The following GPC6 variants were observed in gnomAD, a reference collection of about 807,000 sequenced individuals.
GPC6 encodes glypican 6.
In GPC6, 14 loss-of-function variants were observed where a neutral mutation model predicts 55.2. The ratio of observed to expected loss-of-function variants is 0.25; its 90% CI spans 0.17 to 0.40. The LOEUF (loss-of-function observed/expected upper bound fraction) is 0.40. GPC6 is among the 10% of genes least tolerant of loss of function. The pLI is 1.00. For missense variants in GPC6, 641 were observed against 708.5 expected (o/e 0.90, Z 1.08); for synonymous variants, 278 against 259.6 (o/e 1.07, Z -0.68).
chr13:94,294,341 C>G (rs1161736870), intron 5 of GPC6, among the ~76,000 whole-genome samples: 2 of 151,338 alleles, frequency 1.3e-5, no homozygotes, highest in Admixed American at 1.3e-4. Context: ...TTCTTACTAC[C>G]GACGAGGGTA....
At chr13:93,602,687 G>C (rs990413089) in intron 2 of GPC6, among the ~76,000 whole-genome samples, 62 of 152,088 alleles carry the variant, frequency 4.1e-4, no homozygotes, top group Non-Finnish European at 8.8e-5. Flanking sequence ...AAATATGGAT[G>C]CAAGACCCAA....
intron 1 of GPC6, among the ~76,000 whole-genome samples, chr13:93,520,877 T>C (rs1235533547): frequency 1.3e-5 from 2 of 151,814 alleles, no homozygotes; most frequent in East Asian, 3.9e-4. Flanking sequence ...TGACATGATA[T>C]TGGAGTTCAG....
intron 3 of GPC6, among the ~76,000 whole-genome samples, chr13:93,939,904 C>G (rs988138241): frequency 6.6e-6 from 1 of 151,990 alleles, no homozygotes; most frequent in African/African-American, 2.4e-5. Flanking sequence ...AACCAAGGCA[C>G]AGAGGCAAAA....
chr13:93,391,055 AC>A (rs1218006784), intron 1 of GPC6, among the ~76,000 whole-genome samples: 1 of 152,080 alleles, frequency 6.6e-6, no homozygotes, highest in Non-Finnish European at 1.5e-5. Context: ...AACAACTTTT[AC>A]CAACTTTGCT....
At chr13:94,206,837 C>A (rs558202125) in intron 4 of GPC6, among the ~76,000 whole-genome samples, 2 of 152,002 alleles carry the variant, frequency 1.3e-5, no homozygotes, top group East Asian at 3.9e-4. Flanking sequence ...TGGGTGACAG[C>A]GTGAGACCCT....
intron 1 of GPC6, among the ~76,000 whole-genome samples, chr13:93,355,261 C>T (rs553562417): frequency 3.3e-5 from 5 of 152,246 alleles, no homozygotes; most frequent in African/African-American, 7.2e-5. Flanking sequence ...TTTCTGCTGA[C>T]GTGTATGACT....
rs188477160 is a variant in GPC6 at position 94,123,185 on chromosome 13, T to C, written c.877+95291T>C. On this transcript the variant is annotated intron_variant, in intron 4 of 8. Transcript: ENST00000377047. Reference sequence around the variant, plus strand: ...CTATTAGTAAATATTTAAGTATCAATATTTGAAAACGTTACAGAAATATGC... The same window carrying C: ...CTATTAGTAAATATTTAAGTATCAACATTTGAAAACGTTACAGAAATATGC... Among the ~76,000 whole-genome samples the C allele has an allele frequency of 2.2e-3, 336 of 152,188 alleles. 3 individuals are homozygous for C. The highest frequency in any genetic ancestry group is 9.6e-4 in the Non-Finnish European group (65 of 67,980).
chr13:94,075,944 A>G (rs1370111689), intron 4 of GPC6, among the ~76,000 whole-genome samples: 7 of 152,144 alleles, frequency 4.6e-5, no homozygotes, highest in East Asian at 1.9e-4. Flanking sequence ...CCTCTTTGCA[A>G]TCTTGTTTTA....
At chr13:93,611,297 CA>C (rs1878450549) in intron 2 of GPC6, among the ~76,000 whole-genome samples, 1 of 151,956 alleles carries the variant, frequency 6.6e-6, no homozygotes, top group Non-Finnish European at 1.5e-5. Context: ...ACAACTTTGA[CA>C]ACTGAATTAT....
chr13:94,231,737 C>A (rs1890734313), intron 4 of GPC6, among the ~76,000 whole-genome samples: 1 of 151,940 alleles, frequency 6.6e-6, no homozygotes, highest in African/African-American at 2.4e-5. Flanking sequence ...TTTTCCTAAT[C>A]TTGGGGTCAG....
chr13:93,690,100 C>A (rs1882202932), intron 2 of GPC6, among the ~76,000 whole-genome samples: 1 of 152,036 alleles, frequency 6.6e-6, no homozygotes. Context: ...TTTGAATTAA[C>A]CTTTTGGAAA....
At chr13:94,333,022 T>G (rs1294130146) in intron 6 of GPC6, among the ~76,000 whole-genome samples, 1 of 152,228 alleles carries the variant, frequency 6.6e-6, no homozygotes, top group Non-Finnish European at 1.5e-5. Flanking sequence ...GATTTAGAGA[T>G]GAAATTGGTC....
At chr13:93,807,107 A>C (rs553979793) in intron 2 of GPC6, among the ~76,000 whole-genome samples, 8 of 152,308 alleles carry the variant, frequency 5.3e-5, no homozygotes, top group African/African-American at 1.9e-4. Flanking sequence ...TTATCTTTTT[A>C]ATCTGTTCTT....
intron 4 of GPC6, among the ~76,000 whole-genome samples, chr13:94,103,878 T>G (rs555834492): frequency 6.6e-6 from 1 of 152,358 alleles, no homozygotes; most frequent in Non-Finnish European, 1.5e-5. Context: ...GGAGAAGCTC[T>G]TTAGTTTAAC....
chr13:93,668,457 C>A (rs895509641), intron 2 of GPC6, among the ~76,000 whole-genome samples: 2 of 152,142 alleles, frequency 1.3e-5, no homozygotes, highest in African/African-American at 4.8e-5. Flanking sequence ...ATCTCAGGAA[C>A]CTATGAATAC....
intron 4 of GPC6, among the ~76,000 whole-genome samples, chr13:94,217,069 C>G (rs1890248100): frequency 6.6e-6 from 1 of 152,148 alleles, no homozygotes; most frequent in Admixed American, 6.5e-5. Flanking sequence ...TAAAGTCACT[C>G]CATATAGAAT....
chr13:94,253,529 C>G (rs1247572923), intron 4 of GPC6, among the ~76,000 whole-genome samples: 1 of 152,060 alleles, frequency 6.6e-6, no homozygotes, highest in Non-Finnish European at 1.5e-5. Context: ...GAGAAAATAA[C>G]AGACTAAAGA....
At chr13:93,888,579 C>T (rs1875479500) in intron 3 of GPC6, among the ~76,000 whole-genome samples, 1 of 152,122 alleles carries the variant, frequency 6.6e-6, no homozygotes, top group South Asian at 2.1e-4. Context: ...AATTAGACTA[C>T]CTTGCTATCT....
intron 2 of GPC6, among the ~76,000 whole-genome samples, chr13:93,783,358 ATGG>A (rs1286679178): frequency 1.4e-5 from 2 of 148,142 alleles, no homozygotes; most frequent in Non-Finnish European, 1.5e-5. Flanking sequence ...GCTGGGTCAG[ATGG>A]TATTTCTGGT....
Sources: gnomAD v4.1 joint callset for allele counts (sites outside exome capture counted in the v4.1 genomes callset) on GRCh38, gnomAD v4.1.1 for gene constraint, MANE v1.5 for transcripts, NCBI Gene and HGNC (gene_info 2026-07-23, HGNC 2026-07-21) for gene names.